The following MSI1 variants were observed in gnomAD, a reference collection of about 807,000 sequenced individuals.
MSI1 encodes RNA-binding protein Musashi homolog 1.
MSI1 carries 15 observed loss-of-function variants against 54.4 expected under a neutral mutation model. The observed-to-expected ratio is 0.28, with a 90% CI of 0.18 to 0.42. The LOEUF (loss-of-function observed/expected upper bound fraction) is 0.42, where lower values mean the gene tolerates loss of function less well. MSI1 is among the 20% of genes least tolerant of loss of function. MSI1 has a pLI of 1.00. For missense variants in MSI1, 304 were observed against 506.0 expected, an observed-to-expected ratio of 0.60 and a Z score of 3.83; for synonymous variants, 200 against 196.5, an observed-to-expected ratio of 1.02 and a Z score of -0.15.
chr12:120,340,533 A>C (rs1277825239), downstream of MSI1, among the ~76,000 whole-genome samples: 1 of 151,282 alleles, frequency 6.6e-6, no homozygotes, highest in African/African-American at 2.4e-5. Flanking sequence ...TTTTTTGAGA[A>C]TGAGAGCATC....
chr12:120,353,174 C>A, intron 10 of MSI1, 125 bp downstream of exon 10: 1 of 918,370 alleles, frequency 1.1e-6, no homozygotes, highest in South Asian at 1.5e-5. Flanking sequence ...CTCAGACATG[C>A]CCTTCCTTCC....
At position 120,368,766 on chromosome 12, in the gene MSI1, C is replaced by T; in HGVS notation, c.100+67G>A. 2 of 1,320,224 alleles carry T rather than the reference C, an allele frequency of 1.5e-6. No homozygotes were observed. The highest frequency in any genetic ancestry group is 3.5e-5 in the South Asian group (2 of 56,412). The allele number at this position is 1,320,224 out of a possible 1,614,324, so 81.8% of individuals were successfully genotyped here. The stretch of plus-strand genomic sequence containing the variant: ...GGGCGCAGGGCCGGGCTGGGGTGTC[C>T]GGGTCCGGGGCGCCGGGGGGTCCGG... On this transcript the variant is annotated intron_variant, in intron 2 of 14. Transcript: ENST00000257552. This position sits in a 1 kb window ranked among gnomAD's most constrained non-coding sequence, Gnocchi z 6.6.
At chr12:120,361,193 C>T (rs934241059) in intron 6 of MSI1, among the ~76,000 whole-genome samples, 1 of 152,152 alleles carries the variant, frequency 6.6e-6, no homozygotes, top group Non-Finnish European at 1.5e-5. Flanking sequence ...CTATTGAGCA[C>T]CTTGACTGGA....
chr12:120,364,545 A>C (rs1195740882), intron 5 of MSI1, among the ~76,000 whole-genome samples, 169 bp downstream of exon 5: 1 of 152,090 alleles, frequency 6.6e-6, no homozygotes, highest in Non-Finnish European at 1.5e-5. Flanking sequence ...TAGTGTCTTC[A>C]GGCCACAGAG....
intron 11 of MSI1, 95 bp downstream of exon 11, chr12:120,351,249 A>T: frequency 2.5e-6 from 3 of 1,203,616 alleles, no homozygotes; most frequent in Non-Finnish European, 3.6e-6. Context: ...CGGGCAGGAG[A>T]AAAGGATCCC....
In MSI1 at chr12:120,368,057, C is replaced by A; in HGVS notation, c.218G>T (p.Gly73Val). ...CGATTGCGCCAGCACTTTATCCACC[C>A]CCGCCTGGTCCATGAAAGTGACGAA... ...FGFVTFMDQA[G>V]VDKVLAQSRH... The change falls in exon 4 of 15, where the codon GGG (glycine) becomes GTG (valine). Residue 73 changes from glycine to valine, a missense_variant. Gly to Val is a moderately radical substitution (Grantham distance 109). This residue lies in a region of MSI1 where 105 missense variants were observed against 230.1 expected (regional missense o/e 0.46). Coordinates refer to ENST00000257552, the MANE Select transcript of MSI1 (RefSeq NM_002442.4). The surrounding 1 kb of genome is among the most constrained non-coding windows in gnomAD (Gnocchi z 6.6). 1 of 1,613,806 alleles carries A rather than the reference C, an allele frequency of 6.2e-7. No individual in the cohort carries two copies.
chr12:120,349,709 G>T (rs921924483), intron 11 of MSI1, among the ~76,000 whole-genome samples: 3 of 152,248 alleles, frequency 2.0e-5, no homozygotes, highest in African/African-American at 7.2e-5. Flanking sequence ...AAGGCTAGAG[G>T]AAAGTTCAGA....
chr12:120,347,856 C>A (rs1312184161), intron 11 of MSI1, among the ~76,000 whole-genome samples: 1 of 152,156 alleles, frequency 6.6e-6, no homozygotes, highest in Non-Finnish European at 1.5e-5. Context: ...CCGCAGCTGC[C>A]CCCTTCTCCA....
chr12:120,363,223 C>CTTG (rs1875794831), intron 5 of MSI1, 88 bp from the exon 6 acceptor site: 3 of 1,129,474 alleles, frequency 2.7e-6, no homozygotes, highest in Admixed American at 3.5e-5. Flanking sequence ...GCCAGGATGC[C>CTTG]AGCTGACAAG....
chr12:120,340,886 CTTTT>C (rs34926125), downstream of MSI1, among the ~76,000 whole-genome samples: 7 of 119,454 alleles, frequency 5.9e-5, no homozygotes, highest in Non-Finnish European at 1.2e-4. Context: ...TTCTCCTATT[CTTTT>C]TTTTTTTTTT....
downstream of MSI1, among the ~76,000 whole-genome samples, chr12:120,339,942 G>A (rs1281926446): frequency 2.7e-5 from 4 of 150,686 alleles, no homozygotes; most frequent in Non-Finnish European, 3.0e-5. Flanking sequence ...CCACACAACC[G>A]GCTAATTTTT....
At chr12:120,361,668 G>A (rs986449783) in intron 6 of MSI1, among the ~76,000 whole-genome samples, 2 of 151,340 alleles carry the variant, frequency 1.3e-5, no homozygotes, top group African/African-American at 4.8e-5. Context: ...AAGCCTGAGT[G>A]GCAGCCATGG....
rs1874798139 is a variant in MSI1, at chr12:120,353,307, T to G, written c.725A>C (p.Gln242Pro). 6.2e-7 allele frequency: 1 copy of G among 1,613,862 alleles called. No homozygotes were observed. Among genetic ancestry groups the G allele is most frequent in the African/African-American group, 1.3e-5 (1 of 74,888 alleles). ...YTGLAPGYTY[Q>P]FPEFRVERTP... is the part of the protein sequence containing the mutation. ...TACTGAGCAGGACTTACCGGGGAAC[T>G]GGTAGGTGTAGCCAGGGGCGAGGCC... Residue 242 changes from glutamine (Q) to proline (P), a missense_variant, in exon 10 of 15, where the codon CAG (glutamine) becomes CCG (proline). Gln to Pro is a moderately conservative substitution (Grantham distance 76). This residue lies in a region of MSI1 where 147 missense variants were observed against 231.5 expected (regional missense o/e 0.64). Coordinates refer to ENST00000257552, the MANE Select transcript of MSI1 (RefSeq NM_002442.4).
At position 120,354,631 on chromosome 12, in the gene MSI1, A is replaced by G. The variant is rs1179439; in HGVS notation, c.653-1252T>C. On this transcript the variant is annotated intron_variant, in intron 9 of 14. Transcript: ENST00000257552. Reference sequence around the variant, plus strand: ...TTTTTAGTTGAGACAGGGTTTCTCCATGTTGGTCAGGCTGGTCTCGAACTC... The same window carrying G: ...TTTTTAGTTGAGACAGGGTTTCTCCGTGTTGGTCAGGCTGGTCTCGAACTC... 3.0e-3 allele frequency among the ~76,000 whole-genome samples: 463 copies of G among 152,068 alleles called. 3 individuals carry two copies. Among genetic ancestry groups the G allele is most frequent in the African/African-American group, 0.011 (443 of 41,514 alleles).
rs765035910 is a variant in MSI1 at position 120,368,877 on chromosome 12, C to A, written c.60-4G>T. The A allele has an allele frequency of 1.2e-5, 18 of 1,461,590 alleles. No homozygotes were observed. The highest frequency in any genetic ancestry group is 2.1e-5 in the Admixed American group (1 of 48,126). The allele number at this position is 1,461,590 out of a possible 1,614,324, so 90.5% of individuals were successfully genotyped here. A position where few individuals can be genotyped will look rare whatever the true frequency, so the allele number is the denominator to read the frequency against. The stretch of plus-strand genomic sequence containing the variant: ...GAGTCCCCCGATGAACATCTTGCTG[C>A]GGGAGGAGGAGAGACACAAAGGGCC... On this transcript the variant is annotated splice_region_variant and splice_polypyrimidine_tract_variant and intron_variant, in intron 1 of 14. Coordinates refer to ENST00000257552, the MANE Select transcript of MSI1 (RefSeq NM_002442.4). This position sits in a 1 kb window ranked among gnomAD's most constrained non-coding sequence, Gnocchi z 6.6.
At chr12:120,344,004 G>A (rs529026792) in intron 14 of MSI1, among the ~76,000 whole-genome samples, 2 of 152,200 alleles carry the variant, frequency 1.3e-5, no homozygotes, top group South Asian at 2.1e-4. Context: ...TTACAAGTGC[G>A]CACCATCACG....
At chr12:120,355,833 C>A (rs1417893098) in intron 9 of MSI1, among the ~76,000 whole-genome samples, 3 of 152,142 alleles carry the variant, frequency 2.0e-5, no homozygotes, top group Non-Finnish European at 4.4e-5. Flanking sequence ...CTGCTCGCCT[C>A]CCCGACTTCT....
chr12:120,362,132 C>T (rs921155854), intron 6 of MSI1, among the ~76,000 whole-genome samples: 9 of 152,002 alleles, frequency 5.9e-5, no homozygotes, highest in African/African-American at 1.9e-4. Context: ...CCCCACACCA[C>T]CAGCCTCAGC....
chr12:120,358,568 C>T (rs1036496095), intron 7 of MSI1, among the ~76,000 whole-genome samples: 2 of 152,180 alleles, frequency 1.3e-5, no homozygotes, highest in Admixed American at 6.5e-5. Flanking sequence ...AGCCAGGTGG[C>T]GCACACGCAC....
Sources: allele counts gnomAD v4.1 joint callset (sites outside exome capture counted in the v4.1 genomes callset), GRCh38; gene constraint gnomAD v4.1.1; regional missense constraint gnomAD v4.1.1; non-coding constraint Gnocchi (gnomAD v3.1); transcripts MANE v1.5; gene names NCBI Gene and HGNC (gene_info 2026-07-23, HGNC 2026-07-21).